STAT5B: variants seen among roughly 807,000 people sequenced by gnomAD.
STAT5B encodes signal transducer and activator of transcription 5B.
A neutral mutation model predicts 107.8 loss-of-function variants in STAT5B; 21 were observed. That is an observed-to-expected ratio of 0.19 (90% CI 0.14 to 0.28). The LOEUF (loss-of-function observed/expected upper bound fraction) is 0.28, where lower values mean the gene tolerates loss of function less well. STAT5B is among the 10% of genes least tolerant of loss of function. The pLI, the probability that STAT5B is intolerant of heterozygous loss-of-function variation, is 1.00. For missense variants in STAT5B, 565 were observed against 1,008.2 expected (o/e 0.56, Z 5.95); for synonymous variants, 325 against 401.7 (o/e 0.81, Z 2.28).
intron 16 of STAT5B, 44 bp from the exon 17 acceptor site, chr17:42,202,852 CA>C (rs1338639483): frequency 1.1e-5 from 18 of 1,611,968 alleles, no homozygotes; most frequent in Non-Finnish European, 1.4e-5. Context: ...TCAAGTGAAA[CA>C]AAAATGTGAT....
At chr17:42,274,074 C>A (rs545740007) in intron 1 of STAT5B, among the ~76,000 whole-genome samples, 1 of 151,962 alleles carries the variant, frequency 6.6e-6, no homozygotes, top group Non-Finnish European at 1.5e-5. Flanking sequence ...GAAGTACACA[C>A]CTTAAATTTC....
intron 7 of STAT5B, 102 bp downstream of exon 7, chr17:42,219,210 G>C (rs2080201777): frequency 6.8e-7 from 1 of 1,468,560 alleles, no homozygotes; most frequent in South Asian, 1.4e-5. Flanking sequence ...AGCTGTCCCA[G>C]GATGGAGGGG....
At position 42,251,644 on chromosome 17, in the gene STAT5B, T is replaced by C. The variant is rs1291139416; in HGVS notation, c.-10-19507A>G. ...GCAACTTACCTGATGCTACTGTGCA[T>C]TGGGTTGGAGACAAGGTATACATGA... On this transcript the variant is annotated intron_variant, in intron 1 of 18. Transcript: ENST00000293328. Among the ~76,000 whole-genome samples, 4 of 152,242 alleles carry C rather than the reference T, an allele frequency of 2.6e-5. No homozygotes were observed. The East Asian group carries it at 5.8e-4, about 22-fold the overall frequency.
Position 42,253,944 on chromosome 17 carries a change from C to G in STAT5B, c.-10-21807G>C, listed in dbSNP as rs148552928. Among the ~76,000 whole-genome samples the G allele has an allele frequency of 1.6e-4, 25 of 152,240 alleles. No individual in the cohort carries two copies. In the East Asian group the frequency reaches 3.1e-3, roughly 19 times the overall value. ...AAATTTTAAAAATAACTTTCATATT[C>G]TATGGGCTTCGGCCTAAACTCTGAT... is the stretch of plus-strand genomic sequence containing the variant. On this transcript the variant is annotated intron_variant, in intron 1 of 18. Transcript: ENST00000293328.
intron 16 of STAT5B, among the ~76,000 whole-genome samples, chr17:42,206,121 T>G (rs2080083073): frequency 6.6e-6 from 1 of 152,184 alleles, no homozygotes; most frequent in Non-Finnish European, 1.5e-5. Flanking sequence ...TGGAATGCAG[T>G]GGCATAGTCT....
intron 2 of STAT5B, among the ~76,000 whole-genome samples, chr17:42,230,308 G>C (rs2080307425): frequency 6.6e-6 from 1 of 152,140 alleles, no homozygotes; most frequent in Non-Finnish European, 1.5e-5. Flanking sequence ...GCAAATAGCA[G>C]CATCAAAGCT....
intron 16 of STAT5B, among the ~76,000 whole-genome samples, chr17:42,204,316 A>G (rs917457370): frequency 4.6e-5 from 7 of 152,192 alleles, no homozygotes; most frequent in Admixed American, 4.6e-4. Context: ...GAATGTGATT[A>G]TCTGACATGG....
intron 1 of STAT5B, among the ~76,000 whole-genome samples, chr17:42,241,972 G>A (rs1364180807): frequency 1.3e-5 from 2 of 152,006 alleles, no homozygotes; most frequent in East Asian, 1.9e-4. Flanking sequence ...CAGATGGGAA[G>A]AGAACAGAAA....
intron 1 of STAT5B, among the ~76,000 whole-genome samples, chr17:42,257,666 C>A (rs748976488): frequency 2.0e-5 from 3 of 152,142 alleles, no homozygotes; most frequent in Non-Finnish European, 4.4e-5. Context: ...TCAATCTTCA[C>A]AAAGCACTAA....
intron 1 of STAT5B, among the ~76,000 whole-genome samples, chr17:42,262,752 A>ATATGTG (rs139815589): frequency 6.5e-5 from 9 of 138,318 alleles, no homozygotes; most frequent in Non-Finnish European, 9.3e-5. Context: ...GTGTATATAT[A>ATATGTG]TGTGTGTATA....
intron 1 of STAT5B, among the ~76,000 whole-genome samples, chr17:42,244,790 T>G (rs2144337911): frequency 6.6e-6 from 1 of 152,310 alleles, no homozygotes; most frequent in South Asian, 2.1e-4. Context: ...AATAGGGGGA[T>G]GATTAGACTA....
intron 1 of STAT5B, among the ~76,000 whole-genome samples, chr17:42,263,681 C>T (rs2080638002): frequency 6.6e-6 from 1 of 152,054 alleles, no homozygotes; most frequent in Admixed American, 6.6e-5. Flanking sequence ...CATGTGCCAC[C>T]AGGCCCAGCT....
intron 1 of STAT5B, among the ~76,000 whole-genome samples, chr17:42,258,655 G>A (rs1055994195): frequency 3.9e-5 from 6 of 152,214 alleles, no homozygotes; most frequent in Admixed American, 3.9e-4. Context: ...CTCCAGCCTG[G>A]GAAACAGAGC....
intron 2 of STAT5B, 75 bp downstream of exon 2, chr17:42,231,925 C>T: frequency 6.3e-7 from 1 of 1,590,416 alleles, no homozygotes; most frequent in Admixed American, 1.7e-5. Context: ...AAGTTGCCAT[C>T]ATGACATCTT....
intron 2 of STAT5B, among the ~76,000 whole-genome samples, 188 bp from the exon 3 acceptor site, chr17:42,227,873 T>G (rs1439686963): frequency 2.0e-5 from 3 of 152,186 alleles, no homozygotes; most frequent in African/African-American, 7.2e-5. Flanking sequence ...TACTAAATAG[T>G]TGGATTATAC....
upstream of STAT5B, among the ~76,000 whole-genome samples, chr17:42,280,530 AC>A (rs1157208531): frequency 6.6e-6 from 1 of 151,354 alleles, no homozygotes; most frequent in African/African-American, 2.4e-5. Context: ...AGTCAGGCTG[AC>A]CCTGGGCAAC....
rs555775153 is a variant in STAT5B at position 42,256,986 on chromosome 17, A to G, written c.-11+19262T>C. ...TATCATAATTATATATGCATAGGAA[A>G]AAACAATATATATATGTAGGGTTCA... On this transcript the variant is annotated intron_variant, in intron 1 of 18. Coordinates refer to ENST00000293328, the MANE Select transcript of STAT5B (RefSeq NM_012448.4). 2.5e-4 allele frequency among the ~76,000 whole-genome samples: 38 copies of G among 152,224 alleles called. 1 individual carries two copies. The South Asian group carries it at 6.8e-3, about 27-fold the overall frequency.
intron 15 of STAT5B, 150 bp downstream of exon 15, chr17:42,210,021 C>A: frequency 8.2e-7 from 1 of 1,223,616 alleles, no homozygotes; most frequent in Non-Finnish European, 1.1e-6. Context: ...TCATAGGCTG[C>A]CTTATTATGA....
the STAT5B span, among the ~76,000 whole-genome samples, chr17:42,286,125 C>T: frequency 1.4e-5 from 2 of 147,846 alleles, no homozygotes; most frequent in Admixed American, 6.9e-5. Flanking sequence ...CCCAGCTACT[C>T]GGGAGGCTGA....
Sources: allele counts gnomAD v4.1 joint callset (sites outside exome capture counted in the v4.1 genomes callset), GRCh38; gene constraint gnomAD v4.1.1; transcripts MANE v1.5; gene names NCBI Gene and HGNC (gene_info 2026-07-23, HGNC 2026-07-21).